The following TUBB8 variants were observed in gnomAD, a reference collection of about 807,000 sequenced individuals.
TUBB8 encodes tubulin beta-8 chain.
A neutral mutation model predicts 33.7 loss-of-function variants in TUBB8; 25 were observed. That is an observed-to-expected ratio of 0.74 (90% CI 0.54 to 1.04). TUBB8 has a LOEUF of 1.04. Ranked by LOEUF, TUBB8 falls within the 50% of genes least tolerant of loss-of-function variation. TUBB8 has a pLI of 0.00. For missense variants in TUBB8, 279 were observed against 608.0 expected, an observed-to-expected ratio of 0.46 and a Z score of 5.69; for synonymous variants, 245 against 240.1, an observed-to-expected ratio of 1.02 and a Z score of -0.19.
upstream of TUBB8, among the ~76,000 whole-genome samples, chr10:74,660 A>C (rs1445198558): frequency 3.3e-5 from 5 of 150,096 alleles, no homozygotes; most frequent in Non-Finnish European, 7.4e-5. Context: ...AAGAAAAAGA[A>C]AAAAATAGAA....
intron 1 of TUBB8, among the ~76,000 whole-genome samples, chr10:58,967 T>C (rs2130941713): frequency 6.6e-6 from 1 of 152,324 alleles, no homozygotes; most frequent in South Asian, 2.1e-4. Flanking sequence ...TTATGTTGAA[T>C]AACAGTGGTA....
downstream of TUBB8, chr10:46,789 G>C: frequency 2.4e-6 from 1 of 416,934 alleles, no homozygotes; most frequent in Non-Finnish European, 4.4e-6. Flanking sequence ...CTTGTTCCTG[G>C]GCATGTGATG....
At chr10:61,682 T>C (rs1834603745) in intron 1 of TUBB8, among the ~76,000 whole-genome samples, 1 of 152,366 alleles carries the variant, frequency 6.6e-6, no homozygotes, top group South Asian at 2.1e-4. Flanking sequence ...GTCTATCCAA[T>C]GACTAAAGTA....
chr10:61,163 C>T (rs1371744872), intron 1 of TUBB8, among the ~76,000 whole-genome samples: 2 of 151,826 alleles, frequency 1.3e-5, no homozygotes, highest in African/African-American at 4.8e-5. Flanking sequence ...CAGCATGGCA[C>T]ATGTATACAT....
rs781992121 is a variant in TUBB8, at chr10:47,312, C to G, written c.1080G>C (p.Gly360=). The change falls in exon 4 of 4, where the codon GGG becomes GGC. Residue 360 remains glycine (G), a synonymous_variant. Coordinates refer to ENST00000568584, the MANE Select transcript of TUBB8 (RefSeq NM_177987.3). The stretch of plus-strand genomic sequence containing the variant: ...CAATGAAGGTGGCTGACATTTTTAG[C>G]CCCCGGGGTGGGATGTCACAGACGG... ...KTAVCDIPPR[G]LKMSATFIGN... 8.1e-6 allele frequency: 13 copies of G among 1,613,560 alleles called. No homozygotes were observed. The highest frequency in any genetic ancestry group is 1.0e-5 in the Non-Finnish European group (12 of 1,180,016).
intron 3 of TUBB8, 126 bp downstream of exon 3, chr10:48,489 C>G: frequency 1.1e-6 from 1 of 927,112 alleles, no homozygotes; most frequent in Non-Finnish European, 1.7e-6. Flanking sequence ...AGCGACTCGA[C>G]TCGGAGGATA....
chr10:65,821 C>T (rs1311452754), intron 1 of TUBB8, among the ~76,000 whole-genome samples: 8 of 152,242 alleles, frequency 5.3e-5, no homozygotes, highest in Admixed American at 4.6e-4. Context: ...ATGATCACTA[C>T]ATCCTTTTCT....
chr10:55,147 G>A (rs1279910844), intron 1 of TUBB8, among the ~76,000 whole-genome samples: 15,705 of 115,402 alleles, frequency 0.14, no homozygotes, highest in African/African-American at 0.25. Context: ...CATGGCGGAC[G>A]AGGAAGCAGG....
intron 1 of TUBB8, among the ~76,000 whole-genome samples, chr10:66,207 A>G (rs1158712472): frequency 2.0e-5 from 3 of 152,276 alleles, no homozygotes; most frequent in African/African-American, 7.2e-5. Context: ...CTACTCACAG[A>G]TCACAGGAGC....
chr10:66,310 G>A (rs1186365412), intron 1 of TUBB8, among the ~76,000 whole-genome samples: 3 of 152,236 alleles, frequency 2.0e-5, no homozygotes, highest in Admixed American at 6.5e-5. Context: ...GTAATCTGCT[G>A]TATTTCCAGA....
At chr10:48,555 T>C (rs1554738768) in intron 3 of TUBB8, 60 bp downstream of exon 3, 4 of 1,483,720 alleles carry the variant, frequency 2.7e-6, no homozygotes, top group Non-Finnish European at 2.8e-6. Context: ...CTTAGCACAC[T>C]CCTGGATTTT....
chr10:76,139 C>CAAAAA (rs71374333), upstream of TUBB8, among the ~76,000 whole-genome samples: 1 of 73,354 alleles, frequency 1.4e-5, no homozygotes, highest in African/African-American at 6.4e-5. Flanking sequence ...AACTCCGTCT[C>CAAAAA]AAAAAAAAAA....
chr10:66,024 T>C (rs80011400), intron 1 of TUBB8, among the ~76,000 whole-genome samples: 16,616 of 115,438 alleles, frequency 0.14, no homozygotes, highest in African/African-American at 0.28. Context: ...AATCGGACTT[T>C]AGCACAATCT....
chr10:70,108 C>T (rs1554742116), intron 1 of TUBB8, among the ~76,000 whole-genome samples: 2 of 152,104 alleles, frequency 1.3e-5, no homozygotes, highest in African/African-American at 4.8e-5. Flanking sequence ...GTAACAATAC[C>T]ACTGACAGCT....
chr10:62,127 T>G (rs1554740956), intron 1 of TUBB8, among the ~76,000 whole-genome samples: 1 of 152,224 alleles, frequency 6.6e-6, no homozygotes. Flanking sequence ...CTCCTGCCCT[T>G]TTGTTACTTG....
At chr10:63,549 A>G (rs1370249226) in intron 1 of TUBB8, among the ~76,000 whole-genome samples, 1 of 152,178 alleles carries the variant, frequency 6.6e-6, no homozygotes, top group African/African-American at 2.4e-5. Flanking sequence ...CACTAAATCT[A>G]TCTTCTCCTT....
At chr10:70,179 T>C (rs1312496045) in intron 1 of TUBB8, among the ~76,000 whole-genome samples, 3 of 152,174 alleles carry the variant, frequency 2.0e-5, no homozygotes, top group African/African-American at 4.8e-5. Context: ...AAGCTTGTCA[T>C]TGGGTCATAA....
intron 1 of TUBB8, among the ~76,000 whole-genome samples, chr10:71,252 T>C (rs1171353696): frequency 1.3e-5 from 2 of 150,006 alleles, no homozygotes; most frequent in Non-Finnish European, 3.0e-5. Context: ...GAAAGGGAGG[T>C]TGCAGCGAGC....
chr10:60,825 C>G lies in TUBB8; in HGVS notation c.-845-10592G>C, dbSNP rs564509028. ...ACAATAGCAAAGACTTGGAACCAAC[C>G]CAAATGTCCAACAATGATAGACTGG... On this transcript the variant is annotated intron_variant, in intron 1 of 3. Transcript: ENST00000564130. Among the ~76,000 whole-genome samples, 68 of 151,886 alleles carry G rather than the reference C, an allele frequency of 4.5e-4. 1 individual carries two copies. The highest frequency in any genetic ancestry group is 1.4e-3 in the African/African-American group (58 of 41,446).
Sources: gnomAD v4.1 joint callset for allele counts (sites outside exome capture counted in the v4.1 genomes callset) on GRCh38, gnomAD v4.1.1 for gene constraint, MANE v1.5 for transcripts, NCBI Gene and HGNC (gene_info 2026-07-23, HGNC 2026-07-21) for gene names.